Variants in SEMA6A observed in about 807,000 individuals in gnomAD.
The protein encoded by SEMA6A is semaphorin 6A, also known as semaphorin-6A.
Under a neutral mutation model 96.8 loss-of-function variants are expected in SEMA6A, and 25 were observed. The observed-to-expected ratio is 0.26, with a 90% CI of 0.19 to 0.36. The LOEUF (loss-of-function observed/expected upper bound fraction) is 0.36. Among genes scored for constraint, SEMA6A ranks in the 10% least tolerant of loss-of-function variants. The pLI is 1.00. For synonymous variants in SEMA6A, 612 were observed against 518.0 expected (o/e 1.18, Z -2.46); for missense variants, 1,363 against 1,323.1 (o/e 1.03, Z -0.47).
intron 18 of SEMA6A, among the ~76,000 whole-genome samples, chr5:116,457,888 C>G (rs1755117764): frequency 6.6e-6 from 1 of 152,046 alleles, no homozygotes; most frequent in Non-Finnish European, 1.5e-5. Context: ...ATGAACACAC[C>G]TTTTTCATCC....
chr5:116,473,901 G>C (rs934584042), intron 16 of SEMA6A, among the ~76,000 whole-genome samples: 1 of 152,136 alleles, frequency 6.6e-6, no homozygotes, highest in South Asian at 2.1e-4. Flanking sequence ...AAGTGCCTCC[G>C]CAAGAGTGGG....
chr5:116,506,898 T>C, intron 1 of SEMA6A, among the ~76,000 whole-genome samples: 1 of 152,236 alleles, frequency 6.6e-6, no homozygotes, highest in East Asian at 1.9e-4. Context: ...GTCTCCATCC[T>C]TCAACAACTG....
chr5:116,571,314 C>T (rs780373641), intron 1 of SEMA6A, among the ~76,000 whole-genome samples: 1 of 152,108 alleles, frequency 6.6e-6, no homozygotes, highest in South Asian at 2.1e-4. Context: ...TTTTCGGTAT[C>T]TGCTTAACAT....
rs766016779 is a variant in SEMA6A at position 116,447,365 on chromosome 5, G to T, written c.2341C>A (p.Gln781Lys). 1.9e-6 allele frequency: 3 copies of T among 1,613,998 alleles called. No individual in the cohort carries two copies. The highest frequency in any genetic ancestry group is 2.5e-6 in the Non-Finnish European group (3 of 1,179,902). ...TTTGTGCAGGCATTGATGAGGTTCT[G>T]GTTCCTCTCCCACTCGCGGCTGCCG... ...SRGSREWERN[Q>K]NLINACTKDM... Residue 781 changes from glutamine to lysine, a missense_variant, in exon 19 of 19, where the codon CAG becomes AAG. By Grantham distance (53) the Gln-to-Lys change is moderately conservative (BLOSUM62 1). Around this residue, in one of 2 missense-constraint regions of SEMA6A, gnomAD observed 883 missense variants for 763.6 expected, o/e 1.16. Coordinates refer to ENST00000343348, the MANE Select transcript of SEMA6A (RefSeq NM_020796.5).
chr5:116,461,031 T>C (rs1561470092), intron 18 of SEMA6A, among the ~76,000 whole-genome samples: 1 of 152,190 alleles, frequency 6.6e-6, no homozygotes, highest in Non-Finnish European at 1.5e-5. Flanking sequence ...TAAATCTTTA[T>C]GGGTCGTGTA....
At chr5:116,548,129 CAATACA>C (rs1367896838) in intron 1 of SEMA6A, among the ~76,000 whole-genome samples, 1 of 152,222 alleles carries the variant, frequency 6.6e-6, no homozygotes, top group Non-Finnish European at 1.5e-5. Context: ...TCTGTGGTAT[CAATACA>C]GCTGGACACT....
Position 116,541,833 on chromosome 5 carries a change from AAAAC to A in SEMA6A, c.-39+32348_-39+32351del, listed in dbSNP as rs370936195. The stretch of plus-strand genomic sequence containing the variant: ...GGGCGACAGAATGGGACTCCATCTC[AAAAC>A]AAACAAACAAACAAACAAACAAAAA... On this transcript the variant is annotated intron_variant, in intron 1 of 18. Coordinates refer to ENST00000343348, the MANE Select transcript of SEMA6A (RefSeq NM_020796.5). Among the ~76,000 whole-genome samples the A allele has an allele frequency of 1.1e-3, 160 of 152,218 alleles. 1 individual carries two copies. The highest frequency in any genetic ancestry group is 0.01 in the Middle Eastern group (3 of 292).
At chr5:116,572,115 C>T (rs1761239992) in intron 1 of SEMA6A, among the ~76,000 whole-genome samples, 2 of 152,110 alleles carry the variant, frequency 1.3e-5, no homozygotes, top group Admixed American at 1.3e-4. Flanking sequence ...TAAAAACCAG[C>T]GCTGGGGGGC....
chr5:116,548,112 C>T (rs147522766), intron 1 of SEMA6A, among the ~76,000 whole-genome samples: 6 of 152,314 alleles, frequency 3.9e-5, no homozygotes, highest in Admixed American at 6.5e-5. Flanking sequence ...TGAATTGGCT[C>T]CAAAGCTCTG....
chr5:116,447,378 C>T lies in SEMA6A; in HGVS notation c.2328G>A (p.Glu776=). 2.5e-6 allele frequency: 4 copies of T among 1,614,020 alleles called. No individual in the cohort carries two copies. The highest frequency in any genetic ancestry group is 3.4e-6 in the Non-Finnish European group (4 of 1,179,902). The part of the protein sequence containing the change: ...QKRKPSRGSR[E]WERNQNLINA... ...TGATGAGGTTCTGGTTCCTCTCCCA[C>T]TCGCGGCTGCCGCGGCTGGGCTTCC... is the stretch of plus-strand genomic sequence containing the variant. Residue 776 remains glutamate, a synonymous_variant, in exon 19 of 19, where the codon GAG becomes GAA. Transcript: ENST00000343348.
intron 1 of SEMA6A, among the ~76,000 whole-genome samples, chr5:116,529,725 C>G (rs1454367275): frequency 6.6e-6 from 1 of 152,010 alleles, no homozygotes; most frequent in African/African-American, 2.4e-5. Flanking sequence ...TAGCTGAAGG[C>G]AAACTAACAC....
rs189664723 is a variant in SEMA6A at position 116,524,028 on chromosome 5, A to T, written c.-38-19046T>A. ...CAACTGGACATTGAAACCTACCCTC[A>T]TGCCAACCCACTTACAGAATATAAT... On this transcript the variant is annotated intron_variant, in intron 1 of 18. Coordinates refer to ENST00000343348, the MANE Select transcript of SEMA6A (RefSeq NM_020796.5). 7.2e-5 allele frequency among the ~76,000 whole-genome samples: 11 copies of T among 152,324 alleles called. No individual in the cohort carries two copies. The East Asian group carries it at 1.3e-3, about 19-fold the overall frequency.
At chr5:116,509,486 AGTCTC>A (rs1758305270) in intron 1 of SEMA6A, among the ~76,000 whole-genome samples, 1 of 152,188 alleles carries the variant, frequency 6.6e-6, no homozygotes, top group African/African-American at 2.4e-5. Context: ...ACTAGCTCCT[AGTCTC>A]CTCACCTGTA....
rs1754064553 is a variant in SEMA6A, at chr5:116,444,448, C to G, written c.*2165G>C. 6.6e-6 allele frequency: 1 copy of G among 152,188 alleles called. No individual in the cohort carries two copies. The highest frequency in any genetic ancestry group is 6.6e-5 in the Admixed American group (1 of 15,258). The allele number at this position is 152,188 out of a possible 1,614,324, so 9.4% of individuals were successfully genotyped here. ...ATTCTTTTTAAAGACAAAACTAAACCCAGAAGATCGAACTGGAAATAAAAG... is the reference window on the plus strand; with the variant it reads ...ATTCTTTTTAAAGACAAAACTAAACGCAGAAGATCGAACTGGAAATAAAAG... On this transcript the variant is annotated 3_prime_UTR_variant, in exon 19 of 19. Transcript: ENST00000343348.
At chr5:116,475,750 T>C in intron 15 of SEMA6A, 147 bp from the exon 16 acceptor site, 1 of 553,970 alleles carries the variant, frequency 1.8e-6, no homozygotes, top group South Asian at 2.8e-5. Flanking sequence ...GCTTTAAAAT[T>C]TATCTCTGAA....
chr5:116,464,953 G>A (rs1026544975), intron 18 of SEMA6A, among the ~76,000 whole-genome samples: 1 of 152,078 alleles, frequency 6.6e-6, no homozygotes, highest in African/African-American at 2.4e-5. Context: ...GCTGGTCAGC[G>A]GGCACATTTT....
At chr5:116,493,129 C>T (rs563138049) in intron 6 of SEMA6A, among the ~76,000 whole-genome samples, 54 of 152,206 alleles carry the variant, frequency 3.5e-4, no homozygotes, top group Middle Eastern at 3.4e-3. Context: ...CAAGAGGTGA[C>T]GGCATTATTA....
In SEMA6A at chr5:116,478,567, C is replaced by T. The variant is rs768425159; in HGVS notation, c.1402G>A (p.Glu468Lys). The T allele has an allele frequency of 2.5e-6, 4 of 1,612,444 alleles. No individual in the cohort carries two copies. The highest frequency in any genetic ancestry group is 4.5e-5 in the East Asian group (2 of 44,794). ...GFLNDSLFLE[E>K]MSVYNSEKCS... Reference sequence around the variant, plus strand: ...TTTTCAGAGTTGTAAACACTCATCTCCTCCAGGAAAAGGCTGTCATTTAGA... The same window carrying T: ...TTTTCAGAGTTGTAAACACTCATCTTCTCCAGGAAAAGGCTGTCATTTAGA... The change falls in exon 13 of 19, where the codon GAG (glutamate) becomes AAG (lysine). Residue 468 changes from glutamate to lysine, a missense_variant. Transcript: ENST00000343348.
chr5:116,518,486 C>T (rs962244460), intron 1 of SEMA6A, among the ~76,000 whole-genome samples: 1 of 152,112 alleles, frequency 6.6e-6, no homozygotes, highest in African/African-American at 2.4e-5. Flanking sequence ...CTCTGCCAGA[C>T]CAGAATAAGG....
Sources: allele counts gnomAD v4.1 joint callset (sites outside exome capture counted in the v4.1 genomes callset), GRCh38; gene constraint gnomAD v4.1.1; regional missense constraint gnomAD v4.1.1; transcripts MANE v1.5; gene names NCBI Gene and HGNC (gene_info 2026-07-23, HGNC 2026-07-21).